Variants in SELENOF observed in about 807,000 individuals in gnomAD.
The protein encoded by SELENOF is selenoprotein F.
SELENOF carries 16 observed loss-of-function variants against 20.5 expected under a neutral mutation model. The ratio of observed to expected loss-of-function variants is 0.78; its 90% CI spans 0.53 to 1.19. The LOEUF is 1.19. Among genes scored for constraint, SELENOF ranks in the 50% most tolerant of loss-of-function variants. SELENOF has a pLI of 0.00. For missense variants in SELENOF, 215 were observed against 194.2 expected (o/e 1.11, Z -0.64); for synonymous variants, 78 against 74.5 (o/e 1.05, Z -0.24).
At chr1:86,893,196 C>G (rs1269238125) in intron 2 of SELENOF, among the ~76,000 whole-genome samples, 1 of 151,966 alleles carries the variant, frequency 6.6e-6, no homozygotes, top group South Asian at 2.1e-4. Context: ...AAACACTTAG[C>G]GTATAACCAG....
intron 2 of SELENOF, among the ~76,000 whole-genome samples, chr1:86,885,213 T>A (rs1351588788): frequency 6.6e-6 from 1 of 152,176 alleles, no homozygotes; most frequent in Non-Finnish European, 1.5e-5. Context: ...TCCAAAACAC[T>A]TCTAGTCCCA....
intron 2 of SELENOF, among the ~76,000 whole-genome samples, chr1:86,899,844 A>G (rs9725280): frequency 0.89 from 110,547 of 124,222 alleles, 48,775 homozygotes; most frequent in East Asian, 0.95. Context: ...GGCGGTTGCC[A>G]GGCGGAGGGT....
At chr1:86,882,999 C>A (rs1292827870) in intron 2 of SELENOF, among the ~76,000 whole-genome samples, 1 of 151,790 alleles carries the variant, frequency 6.6e-6, no homozygotes, top group Non-Finnish European at 1.5e-5. Context: ...TGGTGGCAGG[C>A]GCCTTAATCC....
At chr1:86,874,987 A>G (rs942197758) in intron 3 of SELENOF, among the ~76,000 whole-genome samples, 6 of 152,312 alleles carry the variant, frequency 3.9e-5, no homozygotes, top group African/African-American at 1.4e-4. Context: ...TAATGCCAGC[A>G]CTCTGGGAGG....
rs778430778 is a variant in SELENOF at position 86,868,034 on chromosome 1, TC to T, written c.366+18del. On this transcript the variant is annotated intron_variant, in intron 4 of 4. Coordinates refer to ENST00000331835, the MANE Select transcript of SELENOF (RefSeq NM_004261.5). ...AAATTAAGGCTGGAAAAAAGAGATC[TC>T]CACTACAATCACCTTACCTTGATTT... 1.6e-6 allele frequency: 2 copies of T among 1,230,256 alleles called. No individual in the cohort carries two copies. Among genetic ancestry groups the T allele is most frequent in the African/African-American group, 1.6e-5 (1 of 64,090 alleles). The allele number at this position is 1,230,256 out of a possible 1,614,324, so 76.2% of individuals were successfully genotyped here.
intron 1 of SELENOF, among the ~76,000 whole-genome samples, chr1:86,911,712 G>A (rs1570412115): frequency 1.3e-5 from 2 of 152,088 alleles, no homozygotes; most frequent in South Asian, 4.2e-4. Context: ...AAGTGGACTG[G>A]CTTAGAGATT....
intron 2 of SELENOF, among the ~76,000 whole-genome samples, chr1:86,889,551 G>A (rs888052012): frequency 2.6e-5 from 4 of 152,196 alleles, no homozygotes; most frequent in East Asian, 1.9e-4. Flanking sequence ...CTGAGATCGC[G>A]TCACTGCACT....
chr1:86,914,089 G>A lies in SELENOF; in HGVS notation c.23C>T (p.Pro8Leu), dbSNP rs375315291. The A allele has an allele frequency of 1.2e-6, 2 of 1,613,884 alleles. No homozygotes were observed. Among genetic ancestry groups the A allele is most frequent in the Non-Finnish European group, 8.5e-7 (1 of 1,179,868 alleles). The change falls in exon 1 of 5, where the codon CCG becomes CTG. Residue 8 changes from proline (P) to leucine (L), a missense_variant. Pro to Leu is a moderately conservative substitution (Grantham distance 98). Transcript: ENST00000331835. ...AAACGCCGGCACCAGACACCCACTC[G>A]GCCCAGCCGCCATCGCTACCATTTT... MVAMAAG[P>L]SGCLVPAFGL...
chr1:86,864,568 G>A (rs962004803), intron 4 of SELENOF, among the ~76,000 whole-genome samples: 1 of 151,624 alleles, frequency 6.6e-6, no homozygotes, highest in African/African-American at 2.4e-5. Context: ...CATTTGTGGA[G>A]TTTAGAAAAT....
intron 3 of SELENOF, among the ~76,000 whole-genome samples, chr1:86,877,364 C>T (rs1471975761): frequency 6.6e-6 from 1 of 152,204 alleles, no homozygotes; most frequent in African/African-American, 2.4e-5. Flanking sequence ...CAATGAAGCA[C>T]TGTAACCTTA....
Position 86,884,140 on chromosome 1 carries a change from G to A in SELENOF, c.253-3415C>T, listed in dbSNP as rs78301322. On this transcript the variant is annotated intron_variant, in intron 2 of 4. Transcript: ENST00000331835. ...GCTTCTCAATATAGGTGTGCCGAAGGGAGAGAACTATTCATATAACAAAAT... is the reference window on the plus strand; with the variant it reads ...GCTTCTCAATATAGGTGTGCCGAAGAGAGAGAACTATTCATATAACAAAAT... Among the ~76,000 whole-genome samples the A allele has an allele frequency of 9.2e-5, 14 of 152,066 alleles. No homozygotes were observed. The East Asian group carries it at 2.7e-3, about 29-fold the overall frequency.
intron 3 of SELENOF, among the ~76,000 whole-genome samples, chr1:86,870,868 C>T (rs1276164795): frequency 6.6e-6 from 1 of 152,170 alleles, no homozygotes; most frequent in Non-Finnish European, 1.5e-5. Context: ...ATCTGCCCAC[C>T]TCGGCCTCCC....
At chr1:86,908,185 C>T (rs965533396) in intron 1 of SELENOF, among the ~76,000 whole-genome samples, 3 of 152,164 alleles carry the variant, frequency 2.0e-5, no homozygotes, top group Admixed American at 6.5e-5. Context: ...CCTACATATT[C>T]GTTGTCTCTT....
chr1:86,868,515 T>C (rs2102070307), intron 3 of SELENOF, among the ~76,000 whole-genome samples: 1 of 151,596 alleles, frequency 6.6e-6, no homozygotes, highest in South Asian at 2.1e-4. Context: ...TAAAAATGTC[T>C]GTAAGAATTT....
At chr1:86,882,538 C>T (rs1305130476) in intron 2 of SELENOF, among the ~76,000 whole-genome samples, 1 of 143,952 alleles carries the variant, frequency 6.9e-6, no homozygotes, top group Admixed American at 6.8e-5. Context: ...AAATTGGAAC[C>T]CTTGTACACT....
In SELENOF at chr1:86,893,497, A is replaced by C. The variant is rs943696428; in HGVS notation, c.252+9784T>G. ...GCCGGGCGTGGTGGTGCACACCGGTAGTCCCAGCTACTCAGGAGGCTGAGG... is the reference window on the plus strand; with the variant it reads ...GCCGGGCGTGGTGGTGCACACCGGTCGTCCCAGCTACTCAGGAGGCTGAGG... On this transcript the variant is annotated intron_variant, in intron 2 of 4. Transcript: ENST00000331835. Among the ~76,000 whole-genome samples the C allele has an allele frequency of 3.3e-5, 5 of 151,622 alleles. No individual in the cohort carries two copies. In the East Asian group the frequency reaches 9.7e-4, roughly 29 times the overall value.
chr1:86,872,660 C>T (rs1332353716), intron 3 of SELENOF, among the ~76,000 whole-genome samples: 2 of 151,904 alleles, frequency 1.3e-5, no homozygotes, highest in Admixed American at 1.3e-4. Flanking sequence ...GGATTATAGC[C>T]GTGAGCCACG....
intron 3 of SELENOF, among the ~76,000 whole-genome samples, chr1:86,878,944 A>T (rs1226382176): frequency 1.3e-5 from 2 of 152,208 alleles, no homozygotes; most frequent in Non-Finnish European, 2.9e-5. Flanking sequence ...GCAAGTAGAT[A>T]ATTAAATATT....
At chr1:86,900,784 C>T (rs939164046) in intron 2 of SELENOF, among the ~76,000 whole-genome samples, 18 of 152,162 alleles carry the variant, frequency 1.2e-4, no homozygotes, top group East Asian at 7.7e-4. Context: ...GTGATCTGCC[C>T]GCCTCGGCCT....
Sources: gnomAD v4.1 joint callset for allele counts (sites outside exome capture counted in the v4.1 genomes callset) on GRCh38, gnomAD v4.1.1 for gene constraint, MANE v1.5 for transcripts, NCBI Gene and HGNC (gene_info 2026-07-23, HGNC 2026-07-21) for gene names.